Variants in GLIS1 observed in about 807,000 individuals in gnomAD.
GLIS1 encodes zinc finger protein GLIS1.
GLIS1 carries 24 observed loss-of-function variants against 63.8 expected under a neutral mutation model. The observed-to-expected ratio is 0.38, with a 90% confidence interval of 0.27 to 0.53. GLIS1 has a LOEUF of 0.53. Among genes scored for constraint, GLIS1 ranks in the 20% least tolerant of loss-of-function variants. GLIS1 has a pLI of 0.85. For missense variants in GLIS1, 1,036 were observed against 1,074.1 expected, an observed-to-expected ratio of 0.96 and a Z score of 0.50; for synonymous variants, 450 against 482.5, an observed-to-expected ratio of 0.93 and a Z score of 0.88.
chr1:53,507,894 T>G (rs1462623315), intron 10 of GLIS1, among the ~76,000 whole-genome samples: 1 of 152,148 alleles, frequency 6.6e-6, no homozygotes, highest in Non-Finnish European at 1.5e-5. Flanking sequence ...GAGCCCACAG[T>G]GCTGGGCACC....
At chr1:53,515,962 C>T (rs532564104) in intron 7 of GLIS1, among the ~76,000 whole-genome samples, 2 of 152,196 alleles carry the variant, frequency 1.3e-5, no homozygotes, top group Admixed American at 1.3e-4. Flanking sequence ...TTTTGCATCC[C>T]TTTTTCAATC....
chr1:53,573,748 C>G (rs972042568), intron 4 of GLIS1, among the ~76,000 whole-genome samples: 1 of 152,206 alleles, frequency 6.6e-6, no homozygotes, highest in Non-Finnish European at 1.5e-5. Flanking sequence ...ATGTCAGAAG[C>G]CAGGGTGTCA....
At chr1:53,558,580 T>G (rs1644856169) in intron 4 of GLIS1, among the ~76,000 whole-genome samples, 1 of 152,184 alleles carries the variant, frequency 6.6e-6, no homozygotes. Context: ...AGCTCATGTG[T>G]CCACTGCCCT....
intron 2 of GLIS1, among the ~76,000 whole-genome samples, chr1:53,654,253 C>T (rs1234349980): frequency 6.6e-6 from 1 of 152,228 alleles, no homozygotes; most frequent in African/African-American, 2.4e-5. Flanking sequence ...ACGAGATCAA[C>T]AAGATCATGT....
rs1362543330 is a variant in GLIS1 at position 53,529,907 on chromosome 1, T to C, written c.1366A>G (p.Ile456Val). The C allele has an allele frequency of 6.2e-7, 1 of 1,613,806 alleles. No homozygotes were observed. The highest frequency in any genetic ancestry group is 1.7e-5 in the Admixed American group (1 of 60,002). Residue 456 changes from isoleucine (I) to valine (V), a missense_variant, in exon 5 of 11, where the codon ATC becomes GTC. Transcript: ENST00000628545. Reference sequence around the variant, plus strand: ...TCGCCCGTGTGGCTCCTCAGGTGGATCTTGAGGTTCTCCAGCCGTGAGAAG... The same window carrying C: ...TCGCCCGTGTGGCTCCTCAGGTGGACCTTGAGGTTCTCCAGCCGTGAGAAG... ...KAFSRLENLK[I>V]HLRSHTGEKP... is the part of the protein sequence containing the mutation.
chr1:53,703,339 TC>T (rs1480073033), intron 2 of GLIS1, among the ~76,000 whole-genome samples: 1 of 152,062 alleles, frequency 6.6e-6, no homozygotes, highest in Non-Finnish European at 1.5e-5. Flanking sequence ...CTAGAGCTGC[TC>T]AAAAGCATGA....
chr1:53,602,008 C>T (rs1272782801), intron 2 of GLIS1, among the ~76,000 whole-genome samples: 1 of 152,146 alleles, frequency 6.6e-6, no homozygotes. Context: ...CATATGGGAG[C>T]CTCCACGTTC....
intron 4 of GLIS1, among the ~76,000 whole-genome samples, chr1:53,563,040 G>A (rs1398585165): frequency 6.6e-6 from 1 of 152,232 alleles, no homozygotes; most frequent in Admixed American, 6.5e-5. Context: ...CACATTGCTT[G>A]GGTTATAGGA....
intron 4 of GLIS1, among the ~76,000 whole-genome samples, chr1:53,544,880 C>G (rs1447011773): frequency 6.6e-6 from 1 of 152,134 alleles, no homozygotes; most frequent in African/African-American, 2.4e-5. Flanking sequence ...CTGGGCTGGG[C>G]TGCGTGGGAA....
At chr1:53,685,287 C>T (rs1234940159) in intron 2 of GLIS1, among the ~76,000 whole-genome samples, 1 of 152,222 alleles carries the variant, frequency 6.6e-6, no homozygotes. Flanking sequence ...TGCACCTTCA[C>T]TCCCTTTGGA....
At chr1:53,663,022 T>C (rs183902653) in intron 2 of GLIS1, among the ~76,000 whole-genome samples, 17 of 152,260 alleles carry the variant, frequency 1.1e-4, no homozygotes, top group African/African-American at 2.4e-4. Flanking sequence ...CCAGAGCCCA[T>C]GAATGGCCTC....
rs1265067030 is a variant in GLIS1 at position 53,594,289 on chromosome 1, G to A, written c.1139C>T (p.Ala380Val). Residue 380 changes from alanine to valine, a missense_variant, in exon 4 of 11, where the codon GCC becomes GTC. Ala to Val is a moderately conservative substitution (Grantham distance 64, BLOSUM62 0). This residue lies in a region of GLIS1 where 592 missense variants were observed against 593.9 expected (regional missense o/e 1.00). Transcript: ENST00000628545. Reference sequence around the variant, plus strand: ...CACCAGCTCCTCCTGCTGCTCATAGGCTGCACAGCAGTCCACCCAGCGGCA... The same window carrying A: ...CACCAGCTCCTCCTGCTGCTCATAGACTGCACAGCAGTCCACCCAGCGGCA... ...QACRWVDCCA[A>V]YEQQEELVRH... 2.5e-6 allele frequency: 4 copies of A among 1,612,988 alleles called. No homozygotes were observed. In the South Asian group the frequency reaches 4.4e-5, roughly 18 times the overall value.
At chr1:53,725,104 A>T (rs942332027) in intron 2 of GLIS1, among the ~76,000 whole-genome samples, 1 of 152,212 alleles carries the variant, frequency 6.6e-6, no homozygotes, top group Non-Finnish European at 1.5e-5. Flanking sequence ...AAGCTGGGAC[A>T]GGAGACACCC....
At chr1:53,516,525 A>G (rs1206000324) in intron 7 of GLIS1, among the ~76,000 whole-genome samples, 2 of 151,908 alleles carry the variant, frequency 1.3e-5, no homozygotes, top group Admixed American at 6.6e-5. Flanking sequence ...AGACCTTCAC[A>G]TGGAAACCGT....
intron 4 of GLIS1, among the ~76,000 whole-genome samples, chr1:53,530,750 C>T (rs1006847644): frequency 5.3e-5 from 8 of 151,038 alleles, no homozygotes; most frequent in East Asian, 1.9e-4. Context: ...TCAGCCCTCA[C>T]AGCCACCCAC....
chr1:53,644,740 T>C (rs944280619), intron 2 of GLIS1, among the ~76,000 whole-genome samples: 2 of 152,158 alleles, frequency 1.3e-5, no homozygotes, highest in African/African-American at 4.8e-5. Flanking sequence ...AACGGTGCAT[T>C]TGGGGGGCCC....
chr1:53,586,089 G>C (rs949690835), intron 4 of GLIS1, among the ~76,000 whole-genome samples: 3 of 152,156 alleles, frequency 2.0e-5, no homozygotes, highest in Non-Finnish European at 4.4e-5. Flanking sequence ...AGTGGCTGGT[G>C]GGGGACGAGG....
intron 7 of GLIS1, among the ~76,000 whole-genome samples, chr1:53,516,069 G>A (rs905182865): frequency 6.6e-6 from 1 of 152,068 alleles, no homozygotes; most frequent in African/African-American, 2.4e-5. Flanking sequence ...CTGGGGGCTA[G>A]CCCGGGGCTG....
At chr1:53,708,391 A>C (rs1646603846) in intron 2 of GLIS1, among the ~76,000 whole-genome samples, 1 of 152,222 alleles carries the variant, frequency 6.6e-6, no homozygotes, top group Non-Finnish European at 1.5e-5. Flanking sequence ...GGATTGTCAC[A>C]AGGATTATTA....
Sources: allele counts gnomAD v4.1 joint callset (sites outside exome capture counted in the v4.1 genomes callset), GRCh38; gene constraint gnomAD v4.1.1; regional missense constraint gnomAD v4.1.1; transcripts MANE v1.5; gene names NCBI Gene and HGNC (gene_info 2026-07-23, HGNC 2026-07-21).